Variants in EPHA4 observed in about 807,000 individuals in gnomAD.
EPHA4 encodes the protein ephrin type-A receptor 4.
In EPHA4, 19 loss-of-function variants were observed where a neutral mutation model predicts 108.3. The ratio of observed to expected loss-of-function variants is 0.18; its 90% confidence interval spans 0.12 to 0.26. The LOEUF (loss-of-function observed/expected upper bound fraction) is 0.26, where lower values mean the gene tolerates loss of function less well. EPHA4 is among the 10% of genes least tolerant of loss of function. EPHA4 has a pLI of 1.00. For synonymous variants in EPHA4, 449 were observed against 455.5 expected, an observed-to-expected ratio of 0.99 and a Z score of 0.18; for missense variants, 917 against 1,254.0, an observed-to-expected ratio of 0.73 and a Z score of 4.06.
chr2:221,437,305 G>T (rs1447383748), intron 11 of EPHA4, 183 bp from the exon 12 acceptor site: 3 of 508,682 alleles, frequency 5.9e-6, no homozygotes, highest in South Asian at 6.3e-5. Flanking sequence ...AGGACGAGTA[G>T]GTTTAAATTC....
chr2:221,442,924 G>A lies in EPHA4; in HGVS notation c.1979C>T (p.Thr660Ile). 6.2e-7 allele frequency: 1 copy of A among 1,614,148 alleles called. No homozygotes were observed. Among genetic ancestry groups the A allele is most frequent in the South Asian group, 1.1e-5 (1 of 91,076 alleles). ...CAGGAAGTCTCTCCTCTGTTTGTCT[G>A]TATAACCAGCTTTCAGAGTCTTGAT... ...VAIKTLKAGY[T>I]DKQRRDFLSE... The change falls in exon 11 of 18, where the codon ACA becomes ATA. Residue 660 changes from threonine to isoleucine, a missense_variant. Transcript: ENST00000281821.
intron 5 of EPHA4, among the ~76,000 whole-genome samples, chr2:221,471,512 AT>A (rs778143456): frequency 1.7e-4 from 26 of 152,316 alleles, no homozygotes; most frequent in East Asian, 5.8e-4. Flanking sequence ...AATGGAAATT[AT>A]TTTTGTGTTT....
chr2:221,488,031 C>G (rs567120732), intron 4 of EPHA4, among the ~76,000 whole-genome samples: 1 of 152,090 alleles, frequency 6.6e-6, no homozygotes, highest in South Asian at 2.1e-4. Flanking sequence ...TATGATCTGG[C>G]CAGAAAATAA....
At chr2:221,447,938 C>T (rs36072132) in intron 8 of EPHA4, among the ~76,000 whole-genome samples, 57,616 of 151,650 alleles carry the variant, frequency 0.38, 13,096 homozygotes, top group South Asian at 0.55. Context: ...ACCTCTAGGG[C>T]TCAAGCGATC....
At chr2:221,567,860 T>C (rs1694719811) in intron 2 of EPHA4, among the ~76,000 whole-genome samples, 1 of 152,232 alleles carries the variant, frequency 6.6e-6, no homozygotes, top group Admixed American at 6.5e-5. Flanking sequence ...CCATAAACTA[T>C]CAAGCCTGTG....
chr2:221,462,723 G>T (rs1021352084), intron 5 of EPHA4, among the ~76,000 whole-genome samples: 1 of 152,154 alleles, frequency 6.6e-6, no homozygotes. Flanking sequence ...TATAAATGGA[G>T]TCTCTGTTTC....
chr2:221,518,614 TCAGACCACTCCTTG>T (rs1420083886), intron 3 of EPHA4, among the ~76,000 whole-genome samples: 4 of 152,216 alleles, frequency 2.6e-5, no homozygotes, highest in African/African-American at 9.6e-5. Flanking sequence ...AGAAAGCAAC[TCAGACCACTCCTTG>T]CTGTGAACCA....
chr2:221,453,083 CA>C (rs1251460835), intron 8 of EPHA4, among the ~76,000 whole-genome samples: 3 of 152,100 alleles, frequency 2.0e-5, no homozygotes. Context: ...AACAAAAAAG[CA>C]AAGTAAATCT....
At chr2:221,497,943 C>T (rs1692348806) in intron 4 of EPHA4, among the ~76,000 whole-genome samples, 1 of 152,104 alleles carries the variant, frequency 6.6e-6, no homozygotes. Context: ...TTTGGTCCAT[C>T]CATATGCTAA....
intron 5 of EPHA4, among the ~76,000 whole-genome samples, chr2:221,458,526 A>G (rs1433971238): frequency 6.6e-6 from 1 of 152,244 alleles, no homozygotes; most frequent in Non-Finnish European, 1.5e-5. Context: ...GCTTAATCAC[A>G]GTAAGAGTTC....
At position 221,426,542 on chromosome 2, in the gene EPHA4, A is replaced by G. The variant is rs1339336870; in HGVS notation, c.2768T>C (p.Ile923Thr). The G allele has an allele frequency of 1.2e-6, 2 of 1,614,122 alleles. No homozygotes were observed. The highest frequency in any genetic ancestry group is 1.3e-5 in the African/African-American group (1 of 75,034). ...VVSVGDWLQA[I>T]KMDRYKDNFT... ...GTTATCCTTATACCGGTCCATTTTA[A>G]TGGCCTGGAGCCAATCGCCCACTGA... Residue 923 changes from isoleucine to threonine, a missense_variant, in exon 16 of 18, where the codon ATT becomes ACT. Physicochemically the swap from Ile to Thr is moderately conservative, Grantham distance 89 (BLOSUM62 -1). Transcript: ENST00000281821.
chr2:221,472,580 AAACTTATCTG>A (rs1691520768), intron 5 of EPHA4, among the ~76,000 whole-genome samples: 1 of 152,148 alleles, frequency 6.6e-6, no homozygotes, highest in African/African-American at 2.4e-5. Flanking sequence ...AATTTTTAAA[AAACTTATCTG>A]TCCCACAGCC....
At chr2:221,499,466 C>G (rs972320601) in intron 4 of EPHA4, among the ~76,000 whole-genome samples, 31 of 148,664 alleles carry the variant, frequency 2.1e-4, no homozygotes, top group Admixed American at 1.5e-3. Context: ...ATAAAATTGT[C>G]ATCATCATCA....
At chr2:221,486,735 A>AAATAATAATAAT (rs34218724) in intron 4 of EPHA4, among the ~76,000 whole-genome samples, 24 of 139,004 alleles carry the variant, frequency 1.7e-4, no homozygotes, top group African/African-American at 4.0e-4. Flanking sequence ...CTCTGTCTCA[A>AAATAATAATAAT]AATAATAATA....
intron 8 of EPHA4, among the ~76,000 whole-genome samples, chr2:221,453,911 T>C (rs1690864529): frequency 6.6e-6 from 1 of 152,158 alleles, no homozygotes. Context: ...ACATGGTGGC[T>C]CATGCCTGTA....
chr2:221,429,113 C>T lies in EPHA4; in HGVS notation c.2690+845G>A, dbSNP rs866145752. Among the ~76,000 whole-genome samples the T allele has an allele frequency of 2.0e-5, 3 of 152,164 alleles. No individual in the cohort carries two copies. The East Asian group carries it at 5.8e-4, about 29-fold the overall frequency. On this transcript the variant is annotated intron_variant, in intron 15 of 17. Coordinates refer to ENST00000281821, the MANE Select transcript of EPHA4 (RefSeq NM_004438.5). ...GGAGATGAGTGAGTGTCTCACCTCT[C>T]GCAGGCCTGAGTCACCTGGTCTATT... is the stretch of plus-strand genomic sequence containing the variant.
chr2:221,441,260 T>G (rs1690420186), intron 11 of EPHA4, among the ~76,000 whole-genome samples: 1 of 150,742 alleles, frequency 6.6e-6, no homozygotes, highest in African/African-American at 2.4e-5. Flanking sequence ...CAGGTGCCTC[T>G]GTCACCTGGA....
At chr2:221,501,733 G>A (rs1039037963) in intron 3 of EPHA4, among the ~76,000 whole-genome samples, 2 of 152,026 alleles carry the variant, frequency 1.3e-5, no homozygotes, top group Admixed American at 6.6e-5. Context: ...CAAAAAAACC[G>A]GGTGGTGATT....
At chr2:221,428,085 G>T (rs1689964773) in intron 15 of EPHA4, among the ~76,000 whole-genome samples, 1 of 152,064 alleles carries the variant, frequency 6.6e-6, no homozygotes, top group Non-Finnish European at 1.5e-5. Context: ...TAGAATTTTG[G>T]ACATTTAATT....
Sources: allele counts gnomAD v4.1 joint callset (sites outside exome capture counted in the v4.1 genomes callset), GRCh38; gene constraint gnomAD v4.1.1; transcripts MANE v1.5; gene names NCBI Gene and HGNC (gene_info 2026-07-23, HGNC 2026-07-21).